SMAP2: variants seen among roughly 807,000 people sequenced by gnomAD.
SMAP2 encodes the protein small ArfGAP2, also known as stromal membrane-associated protein 2.
SMAP2 carries 25 observed loss-of-function variants against 56.4 expected under a neutral mutation model. The observed-to-expected ratio is 0.44, with a 90% CI of 0.32 to 0.62. SMAP2 has a LOEUF of 0.62. SMAP2 is among the 20% of genes least tolerant of loss of function. The pLI is 0.04. For missense variants in SMAP2, 388 were observed against 545.6 expected (o/e 0.71, Z 2.88); for synonymous variants, 157 against 181.7 (o/e 0.86, Z 1.09).
In SMAP2 at chr1:40,352,225, A is replaced by G. The variant is rs1272685048; in HGVS notation, c.-83+7315A>G. The stretch of plus-strand genomic sequence containing the variant: ...TGGACCCAGGATAAGATGCCCTCCA[A>G]GCTTTAATGATATTAGGAACAGGGT... On this transcript the variant is annotated intron_variant, in intron 1 of 6. Transcript: ENST00000435168. Among the ~76,000 whole-genome samples, 9 of 152,154 alleles carry G rather than the reference A, an allele frequency of 5.9e-5. No homozygotes were observed. The South Asian group carries it at 1.2e-3, about 21-fold the overall frequency.
At chr1:40,409,921 C>A in intron 4 of SMAP2, 86 bp downstream of exon 4, 1 of 839,586 alleles carries the variant, frequency 1.2e-6, no homozygotes, top group Non-Finnish European at 2.0e-6. Flanking sequence ...GAACTGCTAC[C>A]AAAACACTCC....
chr1:40,407,855 G>A (rs1455049414), intron 2 of SMAP2, among the ~76,000 whole-genome samples: 1 of 152,184 alleles, frequency 6.6e-6, no homozygotes, highest in East Asian at 1.9e-4. Flanking sequence ...AGCTTGGTGG[G>A]CTTGGAGTGA....
chr1:40,382,810 TCCCAGCA>T (rs1644611908), intron 1 of SMAP2, among the ~76,000 whole-genome samples: 1 of 152,234 alleles, frequency 6.6e-6, no homozygotes, highest in Non-Finnish European at 1.5e-5. Flanking sequence ...ACTGTAGTGT[TCCCAGCA>T]CCTAGAACAG....
intron 4 of SMAP2, among the ~76,000 whole-genome samples, chr1:40,410,517 A>G (rs1385151187): frequency 6.6e-6 from 1 of 152,140 alleles, no homozygotes; most frequent in Non-Finnish European, 1.5e-5. Context: ...GAAATCAACA[A>G]AAGTAGGTGT....
chr1:40,374,723 T>C lies in SMAP2; in HGVS notation c.103+500T>C. Reference sequence around the variant, plus strand: ...GATTTTTAAAGGTGGTGATTTTTGCTTCCTGCTATTTGGTTAGCAACTCCT... The same window carrying C: ...GATTTTTAAAGGTGGTGATTTTTGCCTCCTGCTATTTGGTTAGCAACTCCT... On this transcript the variant is annotated intron_variant, in intron 1 of 9. Coordinates refer to ENST00000372718, the MANE Select transcript of SMAP2 (RefSeq NM_022733.3). This position sits in a 1 kb window ranked among gnomAD's most constrained non-coding sequence, Gnocchi z 5.9. 1 of 1,550,546 alleles carries C rather than the reference T, an allele frequency of 6.4e-7. No individual in the cohort carries two copies. Among genetic ancestry groups the C allele is most frequent in the South Asian group, 1.2e-5 (1 of 84,062 alleles).
intron 9 of SMAP2, 99 bp from the exon 10 acceptor site, chr1:40,421,877 C>A: frequency 7.2e-7 from 1 of 1,390,432 alleles, no homozygotes; most frequent in Non-Finnish European, 1.0e-6. Flanking sequence ...TTGTCTCATT[C>A]TCCCCATCCT....
intron 1 of SMAP2, chr1:40,403,600 A>G (rs3013456): frequency 0.11 from 105,271 of 967,584 alleles, 5,929 homozygotes; most frequent in Non-Finnish European, 0.11. Flanking sequence ...TATCAGGAAG[A>G]TGGATGGGAA....
At chr1:40,420,096 A>T (rs1645027538) in intron 9 of SMAP2, among the ~76,000 whole-genome samples, 1 of 152,140 alleles carries the variant, frequency 6.6e-6, no homozygotes, top group Non-Finnish European at 1.5e-5. Flanking sequence ...AAGGTTTTCA[A>T]ATTTATCAAA....
intron 1 of SMAP2, among the ~76,000 whole-genome samples, chr1:40,387,713 C>T (rs191759565): frequency 2.4e-4 from 37 of 152,326 alleles, no homozygotes; most frequent in East Asian, 9.7e-4. Flanking sequence ...AGCCCTCGCT[C>T]GCTCTCGGTG....
chr1:40,380,985 G>A (rs11207975), intron 1 of SMAP2, among the ~76,000 whole-genome samples: 2,800 of 152,256 alleles, frequency 0.018, 75 homozygotes, highest in East Asian at 0.088. Flanking sequence ...GTCATGGTTA[G>A]ATTGATAGTT....
intron 1 of SMAP2, among the ~76,000 whole-genome samples, chr1:40,405,582 C>A (rs536517411): frequency 6.6e-6 from 1 of 152,180 alleles, no homozygotes. Context: ...TCGTTCCAAG[C>A]GTAGGCCCTG....
At chr1:40,345,887 T>C (rs527428480) in intron 1 of SMAP2, among the ~76,000 whole-genome samples, 54 of 135,502 alleles carry the variant, frequency 4.0e-4, no homozygotes, top group Non-Finnish European at 7.0e-4. Context: ...TATATTGTAT[T>C]GTATTATATT....
At chr1:40,367,944 A>T (rs915344326) in intron 2 of SMAP2, among the ~76,000 whole-genome samples, 2 of 128,646 alleles carry the variant, frequency 1.6e-5, no homozygotes, top group Admixed American at 1.6e-4. Flanking sequence ...AACAAAATTG[A>T]TAGACCGCTA....
rs989027016 is a variant in SMAP2 at position 40,417,196 on chromosome 1, A to G, written c.1164+100A>G. The G allele has an allele frequency of 7.3e-6, 5 of 688,780 alleles. No homozygotes were observed. The African/African-American group carries it at 7.4e-5, about 10-fold the overall frequency. 42.7% of individuals were successfully genotyped at this position (688,780 alleles called of 1,614,324 possible). On this transcript the variant is annotated intron_variant, in intron 9 of 9. Transcript: ENST00000372718. Reference sequence around the variant, plus strand: ...TATCCTTTGAATCCTTTCCATGTAGATGAGATAATGTAAGAGACATTGTTA... The same window carrying G: ...TATCCTTTGAATCCTTTCCATGTAGGTGAGATAATGTAAGAGACATTGTTA...
chr1:40,407,456 C>G (rs1435770923), intron 2 of SMAP2, among the ~76,000 whole-genome samples: 1 of 152,058 alleles, frequency 6.6e-6, no homozygotes, highest in Non-Finnish European at 1.5e-5. Context: ...TGCCATTGCA[C>G]TCTAGCCTGA....
intron 8 of SMAP2, 111 bp from the exon 9 acceptor site, chr1:40,416,669 G>C (rs1162883626): frequency 1.5e-5 from 17 of 1,112,336 alleles, no homozygotes; most frequent in Non-Finnish European, 2.2e-5. Flanking sequence ...AGAGCATTGT[G>C]AGTAGAGTAA....
intron 7 of SMAP2, 23 bp from the exon 8 acceptor site, chr1:40,416,153 C>A: frequency 6.2e-7 from 1 of 1,606,112 alleles, no homozygotes. Flanking sequence ...TTTCAATTCT[C>A]CCCCCGCCCT....
At chr1:40,359,100 T>A (rs1017217248) in intron 1 of SMAP2, among the ~76,000 whole-genome samples, 10 of 152,164 alleles carry the variant, frequency 6.6e-5, no homozygotes, top group Non-Finnish European at 1.5e-4. Flanking sequence ...TCTATGTGTA[T>A]CTTTTTTTGT....
At chr1:40,399,359 C>T (rs1026671736) in intron 1 of SMAP2, among the ~76,000 whole-genome samples, 3 of 121,906 alleles carry the variant, frequency 2.5e-5, no homozygotes, top group African/African-American at 9.7e-5. Context: ...GGGGTTTCAC[C>T]ATGTTGGCCA....
Sources: allele counts gnomAD v4.1 joint callset (sites outside exome capture counted in the v4.1 genomes callset), GRCh38; gene constraint gnomAD v4.1.1; non-coding constraint Gnocchi (gnomAD v3.1); transcripts MANE v1.5; gene names NCBI Gene and HGNC (gene_info 2026-07-23, HGNC 2026-07-21).